The following TMPRSS11F variants were observed in gnomAD, a reference collection of about 807,000 sequenced individuals.
The protein encoded by TMPRSS11F is transmembrane protease serine 11F.
In TMPRSS11F, 47 loss-of-function variants were observed where a neutral mutation model predicts 60.2. The ratio of observed to expected loss-of-function variants is 0.78; its 90% CI spans 0.62 to 1.00. The LOEUF (loss-of-function observed/expected upper bound fraction) is 1.00, where lower values mean the gene tolerates loss of function less well. Among genes scored for constraint, TMPRSS11F ranks in the 50% least tolerant of loss-of-function variants. The probability of loss-of-function intolerance (pLI) is 0.00; values close to 1 mark genes in which losing one functional copy is unlikely to be tolerated. For synonymous variants in TMPRSS11F, 166 were observed against 167.3 expected (o/e 0.99, Z 0.06); for missense variants, 519 against 522.9 (o/e 0.99, Z 0.07).
chr4:68,087,815 C>A (rs913618288), intron 3 of TMPRSS11F, among the ~76,000 whole-genome samples: 7 of 151,142 alleles, frequency 4.6e-5, no homozygotes, highest in African/African-American at 1.5e-4. Flanking sequence ...GTGTGCTGCA[C>A]CCACTAACTC....
intron 1 of TMPRSS11F, among the ~76,000 whole-genome samples, chr4:68,112,437 TTA>T (rs1428170648): frequency 6.6e-6 from 1 of 152,200 alleles, no homozygotes; most frequent in African/African-American, 2.4e-5. Flanking sequence ...GCTAATATTT[TTA>T]TGTTATTTGT....
At chr4:68,117,200 GCTCACGCTTGTAAT>G (rs1201786732) in intron 1 of TMPRSS11F, among the ~76,000 whole-genome samples, 4 of 152,044 alleles carry the variant, frequency 2.6e-5, no homozygotes, top group African/African-American at 9.7e-5. Flanking sequence ...AGGCGCGGTG[GCTCACGCTTGTAAT>G]CTCAGCACTT....
At chr4:68,124,220 T>TA (rs71218935) in intron 1 of TMPRSS11F, among the ~76,000 whole-genome samples, 33,105 of 144,252 alleles carry the variant, frequency 0.23, 4,058 homozygotes, top group Admixed American at 0.38. Context: ...GACTCTGTCT[T>TA]AAAAAAAAAA....
At chr4:68,096,066 G>A (rs1375884666) in intron 2 of TMPRSS11F, among the ~76,000 whole-genome samples, 1 of 151,528 alleles carries the variant, frequency 6.6e-6, no homozygotes, top group African/African-American at 2.4e-5. Context: ...ATAAGTATTT[G>A]AATAGATAAG....
At chr4:68,063,879 T>G (rs1282332776) in intron 8 of TMPRSS11F, among the ~76,000 whole-genome samples, 1 of 152,208 alleles carries the variant, frequency 6.6e-6, no homozygotes, top group Non-Finnish European at 1.5e-5. Flanking sequence ...TCATCATAAA[T>G]TCTCATACAA....
In TMPRSS11F at chr4:68,054,127, T is replaced by C. The variant is rs1197362671; in HGVS notation, c.1159-60A>G. The C allele has an allele frequency of 3.3e-6, 5 of 1,495,996 alleles. No homozygotes were observed. The African/African-American group carries it at 5.6e-5, about 17-fold the overall frequency. The allele number at this position is 1,495,996 out of a possible 1,614,324, so 92.7% of individuals were successfully genotyped here. On this transcript the variant is annotated intron_variant, in intron 9 of 9. Transcript: ENST00000356291. ...ACTTTAATTCAGTGGGAAGGTATTG[T>C]AATCTGACGTTCACAGAGAAAAAAG...
intron 3 of TMPRSS11F, among the ~76,000 whole-genome samples, chr4:68,074,332 T>C (rs915038484): frequency 3.3e-5 from 5 of 152,206 alleles, no homozygotes; most frequent in African/African-American, 1.2e-4. Flanking sequence ...TTAAGTGAAA[T>C]TATGTCACAT....
At chr4:68,109,496 T>A (rs1437131333) in intron 1 of TMPRSS11F, among the ~76,000 whole-genome samples, 1 of 152,146 alleles carries the variant, frequency 6.6e-6, no homozygotes, top group African/African-American at 2.4e-5. Context: ...CCCTAAAAAT[T>A]TTATAAGTCT....
intron 1 of TMPRSS11F, among the ~76,000 whole-genome samples, chr4:68,100,822 T>C (rs1447518630): frequency 2.0e-5 from 3 of 152,112 alleles, no homozygotes. Context: ...AAGGTTAGAA[T>C]TACATAACCT....
At chr4:68,104,045 T>G (rs187573522) in intron 1 of TMPRSS11F, among the ~76,000 whole-genome samples, 2 of 152,188 alleles carry the variant, frequency 1.3e-5, no homozygotes, top group Non-Finnish European at 2.9e-5. Flanking sequence ...GTTCTAATAG[T>G]GTTTTGTGGC....
intron 1 of TMPRSS11F, among the ~76,000 whole-genome samples, chr4:68,129,096 C>G (rs952306592): frequency 6.6e-6 from 1 of 152,122 alleles, no homozygotes; most frequent in African/African-American, 2.4e-5. Context: ...CAAGGCTAGA[C>G]TTAGCACAAG....
intron 9 of TMPRSS11F, among the ~76,000 whole-genome samples, chr4:68,058,257 G>A (rs1370275418): frequency 2.0e-5 from 3 of 152,132 alleles, no homozygotes; most frequent in African/African-American, 7.2e-5. Context: ...GTTAAGTGAG[G>A]TGATGGATAT....
At chr4:68,088,274 C>T (rs1723856540) in intron 3 of TMPRSS11F, among the ~76,000 whole-genome samples, 1 of 151,084 alleles carries the variant, frequency 6.6e-6, no homozygotes, top group Non-Finnish European at 1.5e-5. Flanking sequence ...TTTAAACCAA[C>T]AAAGATCAAA....
In TMPRSS11F at chr4:68,116,429, T is replaced by C. The variant is rs148431480; in HGVS notation, c.11+13381A>G. Among the ~76,000 whole-genome samples the C allele has an allele frequency of 1.8e-4, 28 of 152,138 alleles. No individual in the cohort carries two copies. The East Asian group carries it at 3.3e-3, about 18-fold the overall frequency. On this transcript the variant is annotated intron_variant, in intron 1 of 9. Coordinates refer to ENST00000356291, the MANE Select transcript of TMPRSS11F (RefSeq NM_207407.2). ...AAAATGCCCATACTACCCAAAGCAA[T>C]CTACAGGTTCAATGCAATCCTGTCA...
At chr4:68,060,384 C>G (rs560649002) in intron 8 of TMPRSS11F, among the ~76,000 whole-genome samples, 5 of 149,988 alleles carry the variant, frequency 3.3e-5, no homozygotes, top group Admixed American at 1.3e-4. Flanking sequence ...GGCGTGATGG[C>G]GGGTGCCTGT....
At chr4:68,105,407 T>C (rs1724285986) in intron 1 of TMPRSS11F, among the ~76,000 whole-genome samples, 1 of 152,088 alleles carries the variant, frequency 6.6e-6, no homozygotes, top group Admixed American at 6.6e-5. Flanking sequence ...AGTGATGGGT[T>C]TTTATGATCA....
chr4:68,104,056 ATCT>A (rs1338253655), intron 1 of TMPRSS11F, among the ~76,000 whole-genome samples: 1 of 152,162 alleles, frequency 6.6e-6, no homozygotes, highest in African/African-American at 2.4e-5. Flanking sequence ...GTTTTGTGGC[ATCT>A]TTGGGATTTA....
intron 1 of TMPRSS11F, among the ~76,000 whole-genome samples, chr4:68,117,356 G>A (rs1319856550): frequency 1.3e-5 from 2 of 150,928 alleles, no homozygotes; most frequent in Admixed American, 1.3e-4. Flanking sequence ...AGTCCCAGCT[G>A]CTCGGGGGGC....
intron 8 of TMPRSS11F, chr4:68,063,020 A>G: frequency 1.5e-6 from 1 of 683,220 alleles, no homozygotes. Context: ...CATTTCTGAC[A>G]CGCTCATTTG....
Sources: allele counts gnomAD v4.1 joint callset (sites outside exome capture counted in the v4.1 genomes callset), GRCh38; gene constraint gnomAD v4.1.1; transcripts MANE v1.5; gene names NCBI Gene and HGNC (gene_info 2026-07-23, HGNC 2026-07-21).